Variants in LIMCH1 observed in about 807,000 individuals in gnomAD.
The protein encoded by LIMCH1 is LIM and calponin homology domains-containing protein 1.
A neutral mutation model predicts 176.5 loss-of-function variants in LIMCH1; 113 were observed. The observed-to-expected ratio is 0.64, with a 90% confidence interval of 0.55 to 0.75. LIMCH1 has a LOEUF of 0.75. Among genes scored for constraint, LIMCH1 ranks in the 30% least tolerant of loss-of-function variants. The pLI is 0.00. For synonymous variants in LIMCH1, 619 were observed against 645.9 expected, an observed-to-expected ratio of 0.96 and a Z score of 0.63; for missense variants, 1,674 against 1,814.9, an observed-to-expected ratio of 0.92 and a Z score of 1.41.
intron 2 of LIMCH1, among the ~76,000 whole-genome samples, chr4:41,505,929 C>CACACACACACAA (rs2074102795): frequency 9.1e-6 from 1 of 110,438 alleles, no homozygotes; most frequent in African/African-American, 3.7e-5. Flanking sequence ...GTTTCTGACA[C>CACACACACACAA]ACACACACAC....
intron 1 of LIMCH1, chr4:41,389,232 A>T (rs1395706495): frequency 6.6e-6 from 1 of 152,432 alleles, no homozygotes; most frequent in Non-Finnish European, 1.5e-5. Flanking sequence ...GTCTTTCCCC[A>T]TCAAGGTTGG....
chr4:41,445,235 A>C (rs933924871), intron 1 of LIMCH1, among the ~76,000 whole-genome samples: 2 of 152,014 alleles, frequency 1.3e-5, no homozygotes, highest in Admixed American at 1.3e-4. Flanking sequence ...TGATCTCCTG[A>C]CCTCGTGATC....
At chr4:41,551,618 C>T (rs1020275117) in intron 1 of LIMCH1, among the ~76,000 whole-genome samples, 4 of 151,960 alleles carry the variant, frequency 2.6e-5, no homozygotes, top group Admixed American at 6.6e-5. Flanking sequence ...TTGTTCATGG[C>T]CTGTGGGATA....
intron 1 of LIMCH1, among the ~76,000 whole-genome samples, chr4:41,381,407 G>A (rs1045183029): frequency 5.9e-5 from 9 of 152,224 alleles, no homozygotes; most frequent in Admixed American, 3.3e-4. Context: ...ACAAGAGGGA[G>A]CAGAGAGAAG....
chr4:41,484,548 A>G (rs1305813842), intron 1 of LIMCH1, among the ~76,000 whole-genome samples: 2 of 152,234 alleles, frequency 1.3e-5, no homozygotes, highest in East Asian at 3.8e-4. Flanking sequence ...ATATGCAGAG[A>G]TGTTCTTCTT....
intron 3 of LIMCH1, among the ~76,000 whole-genome samples, chr4:41,527,822 C>CA (rs34651693): frequency 0.061 from 2,836 of 46,804 alleles, 238 homozygotes; most frequent in Non-Finnish European, 0.086. Context: ...GACTCCGTCT[C>CA]AAAAAAAAAA....
intron 2 of LIMCH1, among the ~76,000 whole-genome samples, chr4:41,507,219 G>A (rs1561579259): frequency 6.6e-6 from 1 of 152,138 alleles, no homozygotes; most frequent in Non-Finnish European, 1.5e-5. Context: ...ACCTCCACAC[G>A]CCCAGCAACC....
At chr4:41,502,142 A>G (rs2073417927) in intron 2 of LIMCH1, among the ~76,000 whole-genome samples, 1 of 142,022 alleles carries the variant, frequency 7.0e-6, no homozygotes, top group African/African-American at 2.6e-5. Context: ...GCTCCCCCTT[A>G]TAAGTGAGAA....
intron 3 of LIMCH1, among the ~76,000 whole-genome samples, chr4:41,525,423 A>G (rs2076542096): frequency 6.6e-6 from 1 of 152,224 alleles, no homozygotes; most frequent in South Asian, 2.1e-4. Flanking sequence ...CTTCTTAGCC[A>G]TATCACGATG....
intron 1 of LIMCH1, among the ~76,000 whole-genome samples, chr4:41,451,065 A>C (rs1004202848): frequency 1.3e-5 from 2 of 152,128 alleles, no homozygotes; most frequent in Non-Finnish European, 2.9e-5. Flanking sequence ...TTGAAAATTT[A>C]CATTACATGG....
chr4:41,646,278 A>C lies in LIMCH1; in HGVS notation c.2409A>C (p.Glu803Asp). Residue 803 changes from glutamate (E) to aspartate (D), a missense_variant and splice_region_variant, in exon 16 of 32, where the codon GAA becomes GAC. Transcript: ENST00000503057. ...AAACCTACAGAGAAATTGTTCAAGA[A>C]AAGTGAGTTCTTTCTGTTGTCGTTT... ...SIKTYREIVQ[E>D]KERRERELHE... The C allele has an allele frequency of 1.2e-6, 2 of 1,605,266 alleles. No individual in the cohort carries two copies. The highest frequency in any genetic ancestry group is 1.7e-6 in the Non-Finnish European group (2 of 1,177,922).
At chr4:41,457,364 C>T (rs1223005673) in intron 1 of LIMCH1, among the ~76,000 whole-genome samples, 1 of 151,832 alleles carries the variant, frequency 6.6e-6, no homozygotes, top group East Asian at 1.9e-4. Context: ...TTTTATATAA[C>T]GTAGGGAAAT....
intron 1 of LIMCH1, among the ~76,000 whole-genome samples, chr4:41,423,680 A>G (rs2060823534): frequency 6.6e-6 from 1 of 151,828 alleles, no homozygotes; most frequent in African/African-American, 2.4e-5. Context: ...CTAAGCAGAT[A>G]CATTCTATAT....
chr4:41,382,746 T>C (rs542720898), intron 1 of LIMCH1, among the ~76,000 whole-genome samples: 18 of 152,318 alleles, frequency 1.2e-4, no homozygotes, highest in South Asian at 1.0e-3. Flanking sequence ...CAGGGAAGTC[T>C]TTTTGGTAGT....
chr4:41,493,750 C>G (rs936523874), intron 1 of LIMCH1, among the ~76,000 whole-genome samples: 1 of 152,318 alleles, frequency 6.6e-6, no homozygotes, highest in African/African-American at 2.4e-5. Flanking sequence ...TGAATGAACA[C>G]ATGAACAAAT....
At chr4:41,639,036 A>G in intron 14 of LIMCH1, 69 bp downstream of exon 14, 1 of 1,172,458 alleles carries the variant, frequency 8.5e-7, no homozygotes, top group East Asian at 2.6e-5. Context: ...AGTACTTACC[A>G]CTAATTGAAA....
intron 1 of LIMCH1, among the ~76,000 whole-genome samples, chr4:41,478,546 A>G (rs188863727): frequency 6.6e-6 from 1 of 152,380 alleles, no homozygotes; most frequent in Admixed American, 6.5e-5. Flanking sequence ...TTGGTGACAT[A>G]CAACAGTTTT....
At chr4:41,639,732 A>C (rs752155525) in intron 14 of LIMCH1, among the ~76,000 whole-genome samples, 8 of 152,122 alleles carry the variant, frequency 5.3e-5, no homozygotes, top group Non-Finnish European at 8.8e-5. Context: ...TATTTGCAAA[A>C]TGCTAGACTT....
intron 14 of LIMCH1, among the ~76,000 whole-genome samples, 194 bp downstream of exon 14, chr4:41,639,161 C>T (rs564748270): frequency 2.4e-4 from 36 of 152,208 alleles, no homozygotes; most frequent in Admixed American, 2.0e-3. Context: ...GCAACTTAAG[C>T]ATGATTCTAA....
Sources: allele counts gnomAD v4.1 joint callset (sites outside exome capture counted in the v4.1 genomes callset), GRCh38; gene constraint gnomAD v4.1.1; transcripts MANE v1.5; gene names NCBI Gene and HGNC (gene_info 2026-07-23, HGNC 2026-07-21).